Variants in PDE11A observed in about 807,000 individuals in gnomAD.
The protein encoded by PDE11A is phosphodiesterase 11A.
In PDE11A, 100 loss-of-function variants were observed where a neutral mutation model predicts 100.5. The observed-to-expected ratio is 1.00, with a 90% CI of 0.85 to 1.18. The LOEUF (loss-of-function observed/expected upper bound fraction) is 1.18, where lower values mean the gene tolerates loss of function less well. Ranked by LOEUF, PDE11A falls within the 50% of genes most tolerant of loss-of-function variation. PDE11A has a pLI of 0.00. For missense variants in PDE11A, 1,141 were observed against 1,152.6 expected (o/e 0.99, Z 0.15); for synonymous variants, 381 against 420.8 (o/e 0.91, Z 1.16).
At chr2:177,791,672 G>C (rs1298988919) in intron 9 of PDE11A, among the ~76,000 whole-genome samples, 1 of 152,020 alleles carries the variant, frequency 6.6e-6, no homozygotes, top group East Asian at 1.9e-4. Context: ...GTGTTTGATA[G>C]ATATGATCTC....
intron 9 of PDE11A, among the ~76,000 whole-genome samples, chr2:177,813,067 C>T (rs977821906): frequency 2.5e-5 from 2 of 78,770 alleles, no homozygotes; most frequent in Admixed American, 2.1e-4. Flanking sequence ...GAGGCAGAAG[C>T]CTGAAGAAAC....
At position 177,922,615 on chromosome 2, in the gene PDE11A, C is replaced by T. The variant is rs542835682; in HGVS notation, c.1072-17428G>A. ...GTCCCATACCTGACATCACTGAGTC[C>T]GGCTAATTTTACCTGTTAGTTATGT... On this transcript the variant is annotated intron_variant, in intron 2 of 19. Coordinates refer to ENST00000286063, the MANE Select transcript of PDE11A (RefSeq NM_016953.4). 7.0e-4 allele frequency: 616 copies of T among 873,784 alleles called. 6 individuals are homozygous for T. The Middle Eastern group carries it at 0.011, about 16-fold the overall frequency. The allele number at this position is 873,784 out of a possible 1,614,324, so 54.1% of individuals were successfully genotyped here. A position where few individuals can be genotyped will look rare whatever the true frequency, so the allele number is the denominator to read the frequency against.
chr2:177,983,314 ATTT>A (rs1165187987), intron 2 of PDE11A, among the ~76,000 whole-genome samples: 3 of 152,164 alleles, frequency 2.0e-5, no homozygotes, highest in Non-Finnish European at 2.9e-5. Flanking sequence ...AAGAAACTTA[ATTT>A]TAGATTCAGC....
intron 2 of PDE11A, among the ~76,000 whole-genome samples, chr2:177,978,933 G>A (rs1469441635): frequency 1.6e-4 from 19 of 120,670 alleles, no homozygotes; most frequent in East Asian, 6.8e-4. Flanking sequence ...TGGTGGGGTC[G>A]GGGGGAGGGG....
upstream of PDE11A, among the ~76,000 whole-genome samples, chr2:178,074,734 T>C (rs2087185999): frequency 6.6e-6 from 1 of 152,094 alleles, no homozygotes; most frequent in Non-Finnish European, 1.5e-5. Flanking sequence ...TGGAGAAGAA[T>C]ACTGGGAAGG....
chr2:177,981,804 T>C (rs1007673979), intron 2 of PDE11A, among the ~76,000 whole-genome samples: 7 of 151,064 alleles, frequency 4.6e-5, no homozygotes, highest in Admixed American at 4.6e-4. Flanking sequence ...TTGTAGAATA[T>C]CATTCTCTAG....
chr2:177,652,042 C>A (rs1056738267), intron 19 of PDE11A, among the ~76,000 whole-genome samples: 1 of 152,140 alleles, frequency 6.6e-6, no homozygotes, highest in East Asian at 1.9e-4. Flanking sequence ...TGTGATAACC[C>A]GATCTTTCCC....
intron 2 of PDE11A, among the ~76,000 whole-genome samples, chr2:178,104,043 T>C (rs1442828595): frequency 1.3e-5 from 2 of 152,142 alleles, no homozygotes; most frequent in African/African-American, 2.4e-5. Context: ...TTATACTTTT[T>C]CAAGAAAAAT....
At chr2:177,858,936 G>A (rs1176378283) in intron 5 of PDE11A, among the ~76,000 whole-genome samples, 1 of 152,104 alleles carries the variant, frequency 6.6e-6, no homozygotes, top group African/African-American at 2.4e-5. Flanking sequence ...ATGAGTTCAT[G>A]TCCTTTGTAG....
chr2:177,877,852 T>C (rs773597709), intron 4 of PDE11A, among the ~76,000 whole-genome samples: 1 of 152,154 alleles, frequency 6.6e-6, no homozygotes, highest in Non-Finnish European at 1.5e-5. Flanking sequence ...AAGGAGTCCA[T>C]CTGAATGTCA....
chr2:177,733,391 A>AGACCAT (rs1407191533), intron 10 of PDE11A, among the ~76,000 whole-genome samples: 5 of 152,214 alleles, frequency 3.3e-5, no homozygotes, highest in Admixed American at 1.3e-4. Flanking sequence ...AGCACCTGAT[A>AGACCAT]TCCTTTGACC....
intron 2 of PDE11A, among the ~76,000 whole-genome samples, chr2:177,957,910 C>CTTTTTTTTTTTTTTTTTTTTTTTTTTTTT (rs748839068): frequency 3.5e-5 from 4 of 114,468 alleles, no homozygotes; most frequent in African/African-American, 4.1e-5. Flanking sequence ...TTTCCAATGC[C>CTTTTTTTTTTTTTTTTTTTTTTTTTTTTT]TTTTTTTTGA....
intron 10 of PDE11A, among the ~76,000 whole-genome samples, chr2:177,766,102 C>T (rs1043801707): frequency 5.9e-5 from 9 of 151,848 alleles, no homozygotes; most frequent in African/African-American, 1.9e-4. Flanking sequence ...TGCTTTTTGG[C>T]GCCAGGGACC....
intron 2 of PDE11A, among the ~76,000 whole-genome samples, chr2:177,961,406 A>C (rs1440404041): frequency 6.6e-5 from 10 of 152,198 alleles, no homozygotes; most frequent in Admixed American, 6.5e-4. Context: ...TATCGCTGGC[A>C]ACATGCCTTG....
intron 2 of PDE11A, among the ~76,000 whole-genome samples, chr2:178,008,524 C>T (rs2105823248): frequency 6.6e-6 from 1 of 152,306 alleles, no homozygotes; most frequent in South Asian, 2.1e-4. Flanking sequence ...ATGATGCAGT[C>T]AATATTCCCC....
upstream of PDE11A, among the ~76,000 whole-genome samples, chr2:178,074,044 A>G (rs1319047800): frequency 1.3e-5 from 2 of 152,238 alleles, no homozygotes; most frequent in African/African-American, 2.4e-5. Context: ...ATTCAATCAT[A>G]AAATGGAATA....
chr2:178,029,128 C>A (rs190047093), intron 1 of PDE11A, among the ~76,000 whole-genome samples: 1 of 152,160 alleles, frequency 6.6e-6, no homozygotes, highest in Non-Finnish European at 1.5e-5. Flanking sequence ...AGCATGCTCA[C>A]GTACATCTGA....
chr2:177,934,679 T>G (rs1348412922), intron 2 of PDE11A, among the ~76,000 whole-genome samples: 1 of 152,194 alleles, frequency 6.6e-6, no homozygotes, highest in African/African-American at 2.4e-5. Context: ...AAAAGACACA[T>G]GCATTTGCAT....
intron 2 of PDE11A, among the ~76,000 whole-genome samples, chr2:177,955,540 A>T (rs192707910): frequency 3.5e-4 from 53 of 152,328 alleles, no homozygotes; most frequent in African/African-American, 1.2e-3. Context: ...TCTAAGAGAC[A>T]TTGAAGAGCT....
Sources: allele counts gnomAD v4.1 joint callset (sites outside exome capture counted in the v4.1 genomes callset), GRCh38; gene constraint gnomAD v4.1.1; transcripts MANE v1.5; gene names NCBI Gene and HGNC (gene_info 2026-07-23, HGNC 2026-07-21).